KIF5B: variants seen among roughly 807,000 people sequenced by gnomAD.
KIF5B encodes the protein kinesin family member 5B.
Under a neutral mutation model 132.8 loss-of-function variants are expected in KIF5B, and 49 were observed. That is an observed-to-expected ratio of 0.37 (90% confidence interval 0.29 to 0.47). The LOEUF (loss-of-function observed/expected upper bound fraction) is 0.47, where lower values mean the gene tolerates loss of function less well. KIF5B is among the 20% of genes least tolerant of loss of function. The probability of loss-of-function intolerance (pLI) is 1.00; values close to 1 mark genes in which losing one functional copy is unlikely to be tolerated. For missense variants in KIF5B, 780 were observed against 1,144.0 expected, an observed-to-expected ratio of 0.68 and a Z score of 4.59; for synonymous variants, 355 against 369.4, an observed-to-expected ratio of 0.96 and a Z score of 0.45.
intron 17 of KIF5B, among the ~76,000 whole-genome samples, 172 bp downstream of exon 17, chr10:32,021,968 G>T (rs573343459): frequency 6.6e-6 from 1 of 152,012 alleles, no homozygotes; most frequent in Non-Finnish European, 1.5e-5. Flanking sequence ...TGAAGACGCC[G>T]TCTCAAAACA....
At chr10:32,024,372 T>G (rs1345533870) in intron 15 of KIF5B, among the ~76,000 whole-genome samples, 2 of 146,818 alleles carry the variant, frequency 1.4e-5, no homozygotes, top group African/African-American at 4.9e-5. Context: ...GCCAGGATGG[T>G]CTTGATCTCC....
At chr10:32,013,851 A>G (rs1476229744) in intron 25 of KIF5B, among the ~76,000 whole-genome samples, 2 of 152,212 alleles carry the variant, frequency 1.3e-5, no homozygotes, top group African/African-American at 4.8e-5. Flanking sequence ...ATGGAACTCC[A>G]TAGTCCCTGT....
intron 15 of KIF5B, among the ~76,000 whole-genome samples, chr10:32,023,507 G>A (rs764616951): frequency 2.6e-5 from 4 of 152,086 alleles, no homozygotes; most frequent in Non-Finnish European, 5.9e-5. Context: ...TCACCTTCAG[G>A]AAGAAATAAA....
Position 32,055,925 on chromosome 10 carries a change from GT to G in KIF5B, c.48del (p.Arg16SerfsTer8). On this transcript the variant is annotated frameshift_variant, in exon 1 of 26. Coordinates refer to ENST00000302418, the MANE Select transcript of KIF5B (RefSeq NM_004521.3). LOFTEE classifies it high-confidence loss of function. ...ECNIKVMCRF[R>X]PLNESEVNRG... is the part of the protein sequence containing the mutation. Reference sequence around the variant, plus strand: ...CGGTTCACTTCAGACTCGTTGAGAGGTCTGAAGCGACACATCACTTTGATGT... The same window carrying G: ...CGGTTCACTTCAGACTCGTTGAGAGGCTGAAGCGACACATCACTTTGATGT... The G allele has an allele frequency of 6.2e-7, 1 of 1,611,944 alleles. No homozygotes were observed. The highest frequency in any genetic ancestry group is 8.5e-7 in the Non-Finnish European group (1 of 1,179,928).
At chr10:32,047,268 C>T (rs1382194104) in intron 2 of KIF5B, among the ~76,000 whole-genome samples, 2 of 152,100 alleles carry the variant, frequency 1.3e-5, no homozygotes, top group African/African-American at 2.4e-5. Flanking sequence ...CTAATGTTAC[C>T]ACCTTTTTTC....
intron 2 of KIF5B, among the ~76,000 whole-genome samples, chr10:32,047,238 C>T (rs1215941726): frequency 6.6e-6 from 1 of 151,834 alleles, no homozygotes; most frequent in Non-Finnish European, 1.5e-5. Flanking sequence ...ATCTTTGACC[C>T]CACTGAGATC....
rs565811633 is a variant in KIF5B, at chr10:32,030,376, C to T, written c.1581+697G>A. Among the ~76,000 whole-genome samples the T allele has an allele frequency of 1.3e-4, 20 of 152,078 alleles. No individual in the cohort carries two copies. The South Asian group carries it at 3.9e-3, about 30-fold the overall frequency. The stretch of plus-strand genomic sequence containing the variant: ...TACTAAAAATACAAAATGAGCCGGG[C>T]GTGGTGGCGGGCGCCTGTAATCCCA... On this transcript the variant is annotated intron_variant, in intron 14 of 25. Transcript: ENST00000302418.
chr10:32,034,748 AT>A lies in KIF5B; in HGVS notation c.1052del (p.Asn351IlefsTer60). 6.2e-7 allele frequency: 1 copy of A among 1,608,644 alleles called. No homozygotes were observed. Among genetic ancestry groups the A allele is most frequent in the Admixed American group, 1.7e-5 (1 of 59,170 alleles). On this transcript the variant is annotated frameshift_variant, in exon 11 of 26. Coordinates refer to ENST00000302418, the MANE Select transcript of KIF5B (RefSeq NM_004521.3). LOFTEE classifies it high-confidence loss of function. ...ACTGAATAGTGTTCCGCAGGATCTT[AT>A]TTTTTTCTTTTTCTTTTTCATACTT... ...KKKYEKEKEK[N>X]KILRNTIQWL...
At chr10:32,032,551 A>G (rs867918013) in intron 13 of KIF5B, among the ~76,000 whole-genome samples, 155 bp downstream of exon 13, 16 of 152,356 alleles carry the variant, frequency 1.1e-4, no homozygotes, top group African/African-American at 3.4e-4. Flanking sequence ...AGATACGATG[A>G]ATAAGTAAAA....
intron 15 of KIF5B, among the ~76,000 whole-genome samples, chr10:32,024,146 C>CTT (rs769483155): frequency 0.11 from 7,783 of 69,926 alleles, 1,773 homozygotes; most frequent in East Asian, 0.26. Flanking sequence ...ATGAAGAACT[C>CTT]TTTTTTTTTT....
rs1841450097 is a variant in KIF5B, at chr10:32,035,432, T to C, written c.962+90A>G. On this transcript the variant is annotated intron_variant, in intron 10 of 25. Transcript: ENST00000302418. ...AGTGTGTCTAGCACAAAACAGTATG[T>C]ACAGGTTGGAATAACAGCTCACATT... The C allele has an allele frequency of 5.3e-6, 6 of 1,123,056 alleles. No individual in the cohort carries two copies. The East Asian group carries it at 1.2e-4, about 22-fold the overall frequency. The allele number at this position is 1,123,056 out of a possible 1,614,324, so 69.6% of individuals were successfully genotyped here.
rs1380824559 is a variant in KIF5B, at chr10:32,022,257, G to A, written c.1915C>T (p.His639Tyr). The A allele has an allele frequency of 1.9e-6, 3 of 1,541,872 alleles. No homozygotes were observed. The highest frequency in any genetic ancestry group is 1.4e-5 in the African/African-American group (1 of 73,220). ...GTCAATGACTTGATTTTGGCTTCATGCTTTTGGAAAAAATATACTGATATG... is the reference window on the plus strand; with the variant it reads ...GTCAATGACTTGATTTTGGCTTCATACTTTTGGAAAAAATATACTGATATG... Reference protein sequence around the residue: ...LAACQLRISQHEAKIKSLTEY... With the variant: ...LAACQLRISQYEAKIKSLTEY... The change falls in exon 17 of 26, where the codon CAT (histidine) becomes TAT (tyrosine). Residue 639 changes from histidine (H) to tyrosine (Y), a missense_variant and splice_region_variant. Transcript: ENST00000302418.
chr10:32,050,309 C>T (rs541766094), intron 1 of KIF5B, among the ~76,000 whole-genome samples: 2 of 152,294 alleles, frequency 1.3e-5, no homozygotes, highest in South Asian at 2.1e-4. Flanking sequence ...AAGCCAAATA[C>T]CTGTTAGCCT....
intron 1 of KIF5B, among the ~76,000 whole-genome samples, chr10:32,051,410 T>G (rs1381738251): frequency 6.6e-6 from 1 of 152,178 alleles, no homozygotes; most frequent in Non-Finnish European, 1.5e-5. Flanking sequence ...TACCAAGAGA[T>G]ATGCCAGAAA....
intron 23 of KIF5B, 81 bp from the exon 24 acceptor site, chr10:32,017,440 T>C: frequency 2.8e-6 from 3 of 1,086,048 alleles, no homozygotes; most frequent in South Asian, 1.4e-5. Context: ...AATTGCTCTT[T>C]AGAAAAGTAA....
At position 32,017,255 on chromosome 10, in the gene KIF5B, T is replaced by C; in HGVS notation, c.2649A>G (p.Glu883=). ...GATCACGAGATGCATTTTCTTTAGC[T>C]TCTTTCAGTGCTGATTCCAAAGCTT... The part of the protein sequence containing the change: ...RVKALESALK[E]AKENASRDRK... Residue 883 remains glutamate, a synonymous_variant, in exon 24 of 26, where the codon GAA becomes GAG. Coordinates refer to ENST00000302418, the MANE Select transcript of KIF5B (RefSeq NM_004521.3). 6.2e-7 allele frequency: 1 copy of C among 1,614,232 alleles called. No individual in the cohort carries two copies. Among genetic ancestry groups the C allele is most frequent in the Non-Finnish European group, 8.5e-7 (1 of 1,180,026 alleles).
At position 32,021,261 on chromosome 10, in the gene KIF5B, G is replaced by A. The variant is rs375027706; in HGVS notation, c.2059C>T (p.His687Tyr). 2.5e-6 allele frequency: 4 copies of A among 1,612,430 alleles called. No homozygotes were observed. The highest frequency in any genetic ancestry group is 3.4e-6 in the Non-Finnish European group (4 of 1,178,892). The change falls in exon 18 of 26, where the codon CAC becomes TAC. Residue 687 changes from histidine (H) to tyrosine (Y), a missense_variant. Physicochemically the swap from His to Tyr is moderately conservative, Grantham distance 83. Transcript: ENST00000302418. ...TTTGCAGTCTGAACCTTATTTAAGT[G>A]CTCCTTTTCCATTTCATGGACTTTC... ...QEKVHEMEKE[H>Y]LNKVQTANEV... is the part of the protein sequence containing the mutation.
intron 25 of KIF5B, among the ~76,000 whole-genome samples, chr10:32,012,195 G>T (rs529794832): frequency 1.3e-5 from 2 of 152,100 alleles, no homozygotes; most frequent in African/African-American, 4.8e-5. Context: ...ATTTCTCGCC[G>T]GGCACAGTGG....
At chr10:32,026,203 G>A (rs1841331333) in intron 15 of KIF5B, among the ~76,000 whole-genome samples, 1 of 152,058 alleles carries the variant, frequency 6.6e-6, no homozygotes, top group African/African-American at 2.4e-5. Context: ...GGGAGGCCGA[G>A]GTGGGCAGAT....
Sources: allele counts gnomAD v4.1 joint callset (sites outside exome capture counted in the v4.1 genomes callset), GRCh38; gene constraint gnomAD v4.1.1; transcripts MANE v1.5; gene names NCBI Gene and HGNC (gene_info 2026-07-23, HGNC 2026-07-21).